The following CHST3 variants were observed in gnomAD, a reference collection of about 807,000 sequenced individuals.
The protein encoded by CHST3 is carbohydrate sulfotransferase 3.
A neutral mutation model predicts 35.4 loss-of-function variants in CHST3; 20 were observed. The ratio of observed to expected loss-of-function variants is 0.57; its 90% CI spans 0.40 to 0.82. The LOEUF (loss-of-function observed/expected upper bound fraction) is 0.82. Among genes scored for constraint, CHST3 ranks in the 40% least tolerant of loss-of-function variants. The probability of loss-of-function intolerance (pLI) is 0.00; values close to 1 mark genes in which losing one functional copy is unlikely to be tolerated. For missense variants in CHST3, 693 were observed against 670.1 expected, an observed-to-expected ratio of 1.03 and a Z score of -0.38; for synonymous variants, 334 against 295.9, an observed-to-expected ratio of 1.13 and a Z score of -1.32.
At chr10:71,988,012 C>A (rs1356423538) in intron 1 of CHST3, among the ~76,000 whole-genome samples, 1 of 152,178 alleles carries the variant, frequency 6.6e-6, no homozygotes, top group Admixed American at 6.5e-5. Context: ...AGCCCATGGT[C>A]CCCTCACAGC....
In CHST3 at chr10:72,007,158, C is replaced by T. The variant is rs1840046453; in HGVS notation, c.141-14C>T. The T allele has an allele frequency of 3.1e-6, 5 of 1,613,690 alleles. No homozygotes were observed. Among genetic ancestry groups the T allele is most frequent in the Non-Finnish European group, 4.2e-6 (5 of 1,179,924 alleles). On this transcript the variant is annotated splice_polypyrimidine_tract_variant and intron_variant, in intron 2 of 2. Coordinates refer to ENST00000373115, the MANE Select transcript of CHST3 (RefSeq NM_004273.5). Reference sequence around the variant, plus strand: ...CCAGTCAGCCACTGACCCTGATCTTCTTTGTCCTCACAGGGTCTCAGACAA... The same window carrying T: ...CCAGTCAGCCACTGACCCTGATCTTTTTTGTCCTCACAGGGTCTCAGACAA...
At chr10:71,988,752 C>G (rs531677501) in intron 1 of CHST3, among the ~76,000 whole-genome samples, 1 of 152,330 alleles carries the variant, frequency 6.6e-6, no homozygotes, top group African/African-American at 2.4e-5. Flanking sequence ...CAGCAGACAT[C>G]ACTACTCAAC....
chr10:72,008,435 C>T lies in CHST3; in HGVS notation c.1404C>T (p.Ser468=), dbSNP rs1396587748. 3 of 1,569,390 alleles carry T rather than the reference C, an allele frequency of 1.9e-6. No homozygotes were observed. The highest frequency in any genetic ancestry group is 2.6e-6 in the Non-Finnish European group (3 of 1,157,494). ...CCGCCCTCACCAACCGCTCAGTCAG[C>T]CTGCTGGAGGAGAGGGGCACCTTCT... The part of the protein sequence containing the change: ...DAAALTNRSV[S]LLEERGTFWV... The change falls in exon 3 of 3, where the codon AGC becomes AGT. Residue 468 remains serine, a synonymous_variant. Coordinates refer to ENST00000373115, the MANE Select transcript of CHST3 (RefSeq NM_004273.5).
chr10:71,972,961 T>C (rs1428880893), intron 1 of CHST3, among the ~76,000 whole-genome samples: 1 of 152,224 alleles, frequency 6.6e-6, no homozygotes, highest in Non-Finnish European at 1.5e-5. Context: ...GGCAATGGGA[T>C]GTGCAAGGGC....
At chr10:71,966,585 C>T (rs1316498906) in intron 1 of CHST3, among the ~76,000 whole-genome samples, 1 of 152,130 alleles carries the variant, frequency 6.6e-6, no homozygotes, top group African/African-American at 2.4e-5. Flanking sequence ...GGCATGTGGG[C>T]GGCACCAAGG....
chr10:72,001,251 G>A (rs920478841), intron 1 of CHST3, among the ~76,000 whole-genome samples: 1 of 152,194 alleles, frequency 6.6e-6, no homozygotes, highest in Non-Finnish European at 1.5e-5. Context: ...GGTGTTTGCT[G>A]TCAATATGCA....
chr10:71,987,714 C>A (rs1399486946), intron 1 of CHST3, among the ~76,000 whole-genome samples: 563 of 88,524 alleles, frequency 6.4e-3, no homozygotes, highest in South Asian at 0.014. Context: ...GAGACTGTCT[C>A]AAAAAAAAAA....
intron 1 of CHST3, among the ~76,000 whole-genome samples, chr10:72,000,607 G>T (rs967813241): frequency 1.3e-5 from 2 of 152,162 alleles, no homozygotes; most frequent in African/African-American, 2.4e-5. Flanking sequence ...CAGGGTGGGG[G>T]TGTTGGGAGA....
At chr10:71,986,739 C>T (rs1375175452) in intron 1 of CHST3, among the ~76,000 whole-genome samples, 2 of 152,178 alleles carry the variant, frequency 1.3e-5, no homozygotes, top group African/African-American at 4.8e-5. Flanking sequence ...TAAGATAAAC[C>T]CGAAGTGGAT....
intron 1 of CHST3, among the ~76,000 whole-genome samples, chr10:71,994,809 A>G (rs906524974): frequency 6.6e-5 from 10 of 152,226 alleles, no homozygotes; most frequent in African/African-American, 2.4e-4. Flanking sequence ...GATCCTTGGG[A>G]TAACTTGCTG....
chr10:71,996,901 G>T (rs1316120657), intron 1 of CHST3, among the ~76,000 whole-genome samples: 1 of 151,962 alleles, frequency 6.6e-6, no homozygotes, highest in Non-Finnish European at 1.5e-5. Context: ...TGGGTTGGTT[G>T]GTTTGTTTTG....
In CHST3 at chr10:72,007,967, G is replaced by C; in HGVS notation, c.936G>C (p.Val312=). The C allele has an allele frequency of 6.5e-7, 1 of 1,549,402 alleles. No individual in the cohort carries two copies. Among genetic ancestry groups the C allele is most frequent in the East Asian group, 2.4e-5 (1 of 40,880 alleles). The change falls in exon 3 of 3, where the codon GTG becomes GTC. Residue 312 remains valine, a synonymous_variant. Transcript: ENST00000373115. ...GGGCCGTGCTGGCCTCGCGCATGGT[G>C]GCCTTCGCCGGCAAGTATAAGACCT... is the stretch of plus-strand genomic sequence containing the variant. The part of the protein sequence containing the change: ...DPRAVLASRM[V]AFAGKYKTWK...
In CHST3 at chr10:72,008,295, T is replaced by C; in HGVS notation, c.1264T>C (p.Ser422Pro). 1.3e-6 allele frequency: 2 copies of C among 1,584,882 alleles called. No homozygotes were observed. The highest frequency in any genetic ancestry group is 2.3e-5 in the South Asian group (2 of 86,604). The change falls in exon 3 of 3, where the codon TCG becomes CCG. Residue 422 changes from serine (S) to proline (P), a missense_variant. Transcript: ENST00000373115. ...SGIYSTQKNS[S>P]EQFEKWRFSM... ...CATCTACTCCACGCAGAAGAACTCC[T>C]CGGAGCAGTTCGAGAAGTGGCGCTT... is the stretch of plus-strand genomic sequence containing the variant.
chr10:71,964,764 C>A (rs1451265932), intron 1 of CHST3, 70 bp downstream of exon 1: 1 of 152,188 alleles, frequency 6.6e-6, no homozygotes, highest in Non-Finnish European at 1.5e-5. Context: ...GGAGCCCCCG[C>A]CTTCCGCGTC....
rs1279569391 is a variant in CHST3, at chr10:72,009,992, G to A, written c.*1521G>A. The A allele has an allele frequency of 1.3e-5, 2 of 152,818 alleles. No homozygotes were observed. Among genetic ancestry groups the A allele is most frequent in the South Asian group, 2.1e-4 (1 of 4,834 alleles). 9.5% of individuals were successfully genotyped at this position (152,818 alleles called of 1,614,324 possible). A position where few individuals can be genotyped will look rare whatever the true frequency, so the allele number is the denominator to read the frequency against. On this transcript the variant is annotated 3_prime_UTR_variant, in exon 3 of 3. Transcript: ENST00000373115. ...CCTTCCCCAGGAGGAACGAGGAGAG[G>A]TGGCCACGTGGCAGGCCACAGTGCC...
At chr10:71,990,593 C>T (rs1174679650) in intron 1 of CHST3, among the ~76,000 whole-genome samples, 1 of 152,096 alleles carries the variant, frequency 6.6e-6, no homozygotes, top group East Asian at 1.9e-4. Context: ...AAACTCCCGC[C>T]CTCAGGTGAT....
rs1839610268 is a variant in CHST3 at position 71,964,574 on chromosome 10, G to A, written c.-228G>A. 1 of 152,070 alleles carries A rather than the reference G, an allele frequency of 6.6e-6. No individual in the cohort carries two copies. The highest frequency in any genetic ancestry group is 1.5e-5 in the Non-Finnish European group (1 of 67,984). The allele number at this position is 152,070 out of a possible 1,614,324, so 9.4% of individuals were successfully genotyped here. On this transcript the variant is annotated 5_prime_UTR_variant, in exon 1 of 3. Transcript: ENST00000373115. ...ACAGCTCGGGCCGCGCGGGCGCCGG[G>A]GCCGCGGAACCGCTTCTGCCGGGAT...
intron 1 of CHST3, among the ~76,000 whole-genome samples, chr10:71,967,644 T>C (rs1185638032): frequency 6.6e-6 from 1 of 152,232 alleles, no homozygotes; most frequent in Admixed American, 6.5e-5. Flanking sequence ...TACGTGTGCA[T>C]GTATCTTTAT....
rs1231575554 is a variant in CHST3, at chr10:72,008,357, C to T, written c.1326C>T (p.Ala442=). 5.7e-6 allele frequency: 9 copies of T among 1,565,510 alleles called. No individual in the cohort carries two copies. Among genetic ancestry groups the T allele is most frequent in the Non-Finnish European group, 7.8e-6 (9 of 1,155,800 alleles). ...TCAAGCTGGCCCAGGTGGTGCAGGC[C>T]GCCTGCGGCCCTGCCATGCGCCTCT... ...MPFKLAQVVQ[A]ACGPAMRLFG... The change falls in exon 3 of 3, where the codon GCC becomes GCT. Residue 442 remains alanine, a synonymous_variant. Coordinates refer to ENST00000373115, the MANE Select transcript of CHST3 (RefSeq NM_004273.5).
Sources: gnomAD v4.1 joint callset for allele counts (sites outside exome capture counted in the v4.1 genomes callset) on GRCh38, gnomAD v4.1.1 for gene constraint, MANE v1.5 for transcripts, NCBI Gene and HGNC (gene_info 2026-07-23, HGNC 2026-07-21) for gene names.